Variants in ADAMTSL1 observed in about 807,000 individuals in gnomAD.
ADAMTSL1 encodes ADAMTS like 1.
In ADAMTSL1, 126 loss-of-function variants were observed where a neutral mutation model predicts 201.8. The observed-to-expected ratio is 0.62, with a 90% confidence interval of 0.54 to 0.72. The LOEUF is 0.72. Ranked by LOEUF, ADAMTSL1 falls within the 30% of genes least tolerant of loss-of-function variation. The probability of loss-of-function intolerance (pLI) is 0.00; values close to 1 mark genes in which losing one functional copy is unlikely to be tolerated. For synonymous variants in ADAMTSL1, 1,121 were observed against 903.4 expected (o/e 1.24, Z -4.32); for missense variants, 2,679 against 2,277.8 (o/e 1.18, Z -3.59).
chr9:18,138,554 G>C (rs1251737736), intron 1 of ADAMTSL1, among the ~76,000 whole-genome samples: 2 of 152,174 alleles, frequency 1.3e-5, no homozygotes, highest in African/African-American at 4.8e-5. Flanking sequence ...GGCTACTAGT[G>C]CTGGGCATTG....
At chr9:18,154,557 C>T (rs1329330407) in intron 1 of ADAMTSL1, among the ~76,000 whole-genome samples, 1 of 151,998 alleles carries the variant, frequency 6.6e-6, no homozygotes, top group Non-Finnish European at 1.5e-5. Context: ...GCAGTGCTTT[C>T]CTGTCCATAT....
chr9:18,700,238 A>G (rs975194606), intron 13 of ADAMTSL1, among the ~76,000 whole-genome samples: 5 of 152,210 alleles, frequency 3.3e-5, no homozygotes, highest in East Asian at 1.9e-4. Flanking sequence ...AAGTGATTCA[A>G]TTGAAGAGTT....
chr9:18,815,427 G>A (rs1188122619), intron 20 of ADAMTSL1, among the ~76,000 whole-genome samples: 7 of 151,450 alleles, frequency 4.6e-5, no homozygotes, highest in Admixed American at 4.6e-4. Context: ...GCTCATGCCT[G>A]TAATCCCAGC....
intron 1 of ADAMTSL1, among the ~76,000 whole-genome samples, chr9:18,502,898 G>T (rs1211907829): frequency 6.6e-6 from 1 of 151,882 alleles, no homozygotes; most frequent in Non-Finnish European, 1.5e-5. Context: ...GCCCATATAT[G>T]TTTATACATA....
intron 25 of ADAMTSL1, among the ~76,000 whole-genome samples, chr9:18,891,832 C>T (rs1829293825): frequency 6.6e-6 from 1 of 152,244 alleles, no homozygotes; most frequent in Admixed American, 6.5e-5. Context: ...ACTGTCTCTC[C>T]TGTCACATGC....
At chr9:18,354,656 T>A (rs1226401583) in intron 2 of ADAMTSL1, among the ~76,000 whole-genome samples, 1 of 152,120 alleles carries the variant, frequency 6.6e-6, no homozygotes, top group Non-Finnish European at 1.5e-5. Flanking sequence ...GTGTCTAATG[T>A]GGTTATGATG....
intron 1 of ADAMTSL1, among the ~76,000 whole-genome samples, chr9:18,104,161 C>G: frequency 6.6e-6 from 1 of 152,132 alleles, no homozygotes; most frequent in East Asian, 1.9e-4. Context: ...TTTATTAGTT[C>G]TCTACAGGCC....
At chr9:18,409,775 A>G (rs866768544) in intron 2 of ADAMTSL1, among the ~76,000 whole-genome samples, 2 of 150,334 alleles carry the variant, frequency 1.3e-5, no homozygotes, top group Non-Finnish European at 3.0e-5. Flanking sequence ...ATACATACAT[A>G]CATGTTATGA....
intron 2 of ADAMTSL1, among the ~76,000 whole-genome samples, chr9:18,354,322 CT>C (rs1836114748): frequency 6.6e-6 from 1 of 151,894 alleles, no homozygotes; most frequent in Admixed American, 6.6e-5. Context: ...ACATCTTTAT[CT>C]CTATCCCTGG....
intron 2 of ADAMTSL1, among the ~76,000 whole-genome samples, chr9:18,329,873 G>A (rs1834963125): frequency 6.6e-6 from 1 of 152,304 alleles, no homozygotes; most frequent in South Asian, 2.1e-4. Context: ...ATATGCAGTG[G>A]CTAGCAGAAC....
chr9:18,314,837 C>T (rs1254681329), intron 2 of ADAMTSL1, among the ~76,000 whole-genome samples: 6 of 117,548 alleles, frequency 5.1e-5, no homozygotes, highest in African/African-American at 1.9e-4. Context: ...TGCTCTGTCG[C>T]CCAGGCTGGA....
At chr9:18,576,776 GTAATGA>G (rs1356418328) in intron 4 of ADAMTSL1, among the ~76,000 whole-genome samples, 3 of 152,128 alleles carry the variant, frequency 2.0e-5, no homozygotes, top group Non-Finnish European at 4.4e-5. Context: ...GGTAGTAGTA[GTAATGA>G]TAATAGCTTC....
rs187709818 is a variant in ADAMTSL1, at chr9:17,959,257, A to G, written c.87+52335A>G. ...TGTTATTTGATTAATGTCATTTGTC[A>G]TGTAATATGACTTACTGTTGTACTT... On this transcript the variant is annotated intron_variant, in intron 1 of 29. Transcript: ENST00000680146. Among the ~76,000 whole-genome samples the G allele has an allele frequency of 5.9e-5, 9 of 152,204 alleles. No homozygotes were observed. In the East Asian group the frequency reaches 1.7e-3, roughly 29 times the overall value.
Position 18,887,882 on chromosome 9 carries a change from G to C in ADAMTSL1, c.4301G>C (p.Gly1434Ala). The C allele has an allele frequency of 6.2e-7, 1 of 1,613,910 alleles. No homozygotes were observed. The highest frequency in any genetic ancestry group is 8.5e-7 in the Non-Finnish European group (1 of 1,179,888). Residue 1434 changes from glycine to alanine, a missense_variant, in exon 24 of 29, where the codon GGT becomes GCT. Coordinates refer to ENST00000380548, the MANE Select transcript of ADAMTSL1 (RefSeq NM_001040272.6). ...PVPNITWFHGGQPIVTATGLT... is the reference protein window; with the variant it reads ...PVPNITWFHGAQPIVTATGLT... ...CCTAATATCACCTGGTTTCATGGTG[G>C]TCAGCCAATTGTCACTGCCACAGGA...
chr9:18,908,084 C>T (rs1468143090), intron 28 of ADAMTSL1: 1 of 279,124 alleles, frequency 3.6e-6, no homozygotes, highest in South Asian at 3.8e-5. Context: ...CGGGAAAAGG[C>T]AGGTTTGCCT....
chr9:18,891,038 C>A (rs755352834), intron 25 of ADAMTSL1, among the ~76,000 whole-genome samples: 4 of 151,926 alleles, frequency 2.6e-5, no homozygotes, highest in Non-Finnish European at 5.9e-5. Flanking sequence ...GGTTGGAAAT[C>A]TGCGTTCAGT....
At chr9:18,622,095 A>T in intron 4 of ADAMTSL1, 148 bp from the exon 5 acceptor site, 1 of 1,009,348 alleles carries the variant, frequency 9.9e-7, no homozygotes, top group South Asian at 1.8e-5. Context: ...AGCTTGATTT[A>T]AATTCCAGTT....
chr9:18,203,376 A>T (rs557059650), intron 2 of ADAMTSL1, among the ~76,000 whole-genome samples: 1 of 152,166 alleles, frequency 6.6e-6, no homozygotes, highest in East Asian at 1.9e-4. Context: ...AGTTGATTTG[A>T]CAAAGTCATA....
intron 26 of ADAMTSL1, among the ~76,000 whole-genome samples, chr9:18,899,320 A>G (rs1829859889): frequency 6.6e-6 from 1 of 152,212 alleles, no homozygotes; most frequent in Non-Finnish European, 1.5e-5. Flanking sequence ...ATGGAGAAAC[A>G]TTTCATGCTC....
Sources: allele counts gnomAD v4.1 joint callset (sites outside exome capture counted in the v4.1 genomes callset), GRCh38; gene constraint gnomAD v4.1.1; transcripts MANE v1.5; gene names NCBI Gene and HGNC (gene_info 2026-07-23, HGNC 2026-07-21).